The following SCARA5 variants were observed in gnomAD, a reference collection of about 807,000 sequenced individuals.
SCARA5 encodes the protein scavenger receptor class A member 5.
A neutral mutation model predicts 46.3 loss-of-function variants in SCARA5; 45 were observed. The ratio of observed to expected loss-of-function variants is 0.97; its 90% confidence interval spans 0.76 to 1.24. The LOEUF is 1.24. Among genes scored for constraint, SCARA5 ranks in the 50% most tolerant of loss-of-function variants. The pLI is 0.00. For missense variants in SCARA5, 680 were observed against 689.0 expected, an observed-to-expected ratio of 0.99 and a Z score of 0.15; for synonymous variants, 333 against 306.5, an observed-to-expected ratio of 1.09 and a Z score of -0.90.
Position 27,905,145 on chromosome 8 carries a change from A to G in SCARA5, c.1097-311T>C, listed in dbSNP as rs540941598. Reference sequence around the variant, plus strand: ...TAAACACTCAAGGTTTTAGAGGTCCACATCCAAGTTTGTTCTAATGAGCCC... The same window carrying G: ...TAAACACTCAAGGTTTTAGAGGTCCGCATCCAAGTTTGTTCTAATGAGCCC... On this transcript the variant is annotated intron_variant, in intron 6 of 8. Coordinates refer to ENST00000354914, the MANE Select transcript of SCARA5 (RefSeq NM_173833.6). Among the ~76,000 whole-genome samples the G allele has an allele frequency of 2.0e-5, 3 of 152,246 alleles. No individual in the cohort carries two copies. In the East Asian group the frequency reaches 5.8e-4, roughly 29 times the overall value.
chr8:27,923,598 T>C lies in SCARA5; in HGVS notation c.242-1353A>G, dbSNP rs533169032. 2.0e-5 allele frequency among the ~76,000 whole-genome samples: 3 copies of C among 152,294 alleles called. No individual in the cohort carries two copies. The South Asian group carries it at 6.2e-4, about 32-fold the overall frequency. On this transcript the variant is annotated intron_variant, in intron 3 of 8. Coordinates refer to ENST00000354914, the MANE Select transcript of SCARA5 (RefSeq NM_173833.6). ...TTTTGTTTTGTTTTTTGAGACAGAG[T>C]CTCACTCTGTTGCTGTCGCCAGGTT...
chr8:27,975,491 G>A (rs549462085), intron 2 of SCARA5, among the ~76,000 whole-genome samples: 57 of 144,604 alleles, frequency 3.9e-4, no homozygotes, highest in African/African-American at 1.4e-3. Context: ...GCAGTCTTGT[G>A]GGACTGGGCC....
intron 1 of SCARA5, 26 bp from the exon 2 acceptor site, chr8:27,987,656 G>A (rs75912002): frequency 1.5e-6 from 2 of 1,376,368 alleles, no homozygotes; most frequent in Non-Finnish European, 2.1e-6. Flanking sequence ...GAGGGGAGGA[G>A]AGGGAGGACG....
At position 27,871,636 on chromosome 8, in the gene SCARA5, C is replaced by A; in HGVS notation, c.*298G>T. 7.8e-7 allele frequency: 1 copy of A among 1,278,082 alleles called. No homozygotes were observed. The highest frequency in any genetic ancestry group is 1.5e-5 in the African/African-American group (1 of 67,012). The allele number at this position is 1,278,082 out of a possible 1,614,324, so 79.2% of individuals were successfully genotyped here. A position where few individuals can be genotyped will look rare whatever the true frequency, so the allele number is the denominator to read the frequency against. On this transcript the variant is annotated 3_prime_UTR_variant, in exon 9 of 9. Transcript: ENST00000354914. Reference sequence around the variant, plus strand: ...GCCAAAGGGAACTGGGATATTGAGGCCTGGTGCATGGTGTTCAGAGGCTGG... The same window carrying A: ...GCCAAAGGGAACTGGGATATTGAGGACTGGTGCATGGTGTTCAGAGGCTGG...
intron 7 of SCARA5, among the ~76,000 whole-genome samples, chr8:27,895,232 T>C (rs1056678379): frequency 1.3e-5 from 2 of 152,180 alleles, no homozygotes; most frequent in Non-Finnish European, 2.9e-5. Flanking sequence ...ATTCGGACCA[T>C]CTGCCCATTA....
At position 27,904,753 on chromosome 8, in the gene SCARA5, C is replaced by T. The variant is rs774099948; in HGVS notation, c.1153+25G>A. On this transcript the variant is annotated intron_variant, in intron 7 of 8. Coordinates refer to ENST00000354914, the MANE Select transcript of SCARA5 (RefSeq NM_173833.6). ...CTAGCCCTGTGCCAACACCATATCC[C>T]ACGGCCCCAGCAGAATGTCCTTACT... 3 of 1,607,718 alleles carry T rather than the reference C, an allele frequency of 1.9e-6. No homozygotes were observed. The South Asian group carries it at 3.3e-5, about 18-fold the overall frequency.
chr8:27,974,673 T>C (rs1808496778), intron 2 of SCARA5, among the ~76,000 whole-genome samples: 1 of 147,332 alleles, frequency 6.8e-6, no homozygotes, highest in Non-Finnish European at 1.5e-5. Flanking sequence ...ACTCACATTG[T>C]TCACTGTAAC....
chr8:27,894,806 T>A (rs1451919191), intron 7 of SCARA5, among the ~76,000 whole-genome samples: 3 of 152,214 alleles, frequency 2.0e-5, no homozygotes, highest in African/African-American at 4.8e-5. Flanking sequence ...GCCACCATTC[T>A]GCATCCTTGT....
intron 7 of SCARA5, among the ~76,000 whole-genome samples, chr8:27,901,017 G>A (rs1049150082): frequency 2.0e-5 from 3 of 152,004 alleles, no homozygotes; most frequent in African/African-American, 7.3e-5. Context: ...GGGGTTGGGC[G>A]AGAGAGAGGA....
chr8:27,921,826 C>A lies in SCARA5; in HGVS notation c.661G>T (p.Ala221Ser). ...RRVGILGEEL[A>S]DVGGVLRGLN... ...CCGCGCAGCACGCCGCCCACGTCGG[C>A]CAGCTCCTCGCCCAGGATGCCCACC... is the stretch of plus-strand genomic sequence containing the variant. Residue 221 changes from alanine to serine, a missense_variant, in exon 4 of 9, where the codon GCC becomes TCC. By Grantham distance (99) the Ala-to-Ser change is moderately conservative (BLOSUM62 1). Coordinates refer to ENST00000354914, the MANE Select transcript of SCARA5 (RefSeq NM_173833.6). 1 of 1,546,696 alleles carries A rather than the reference C, an allele frequency of 6.5e-7. No individual in the cohort carries two copies. The highest frequency in any genetic ancestry group is 2.4e-5 in the East Asian group (1 of 41,440).
At chr8:27,889,439 G>T (rs1394443001) in intron 7 of SCARA5, among the ~76,000 whole-genome samples, 1 of 152,182 alleles carries the variant, frequency 6.6e-6, no homozygotes, top group African/African-American at 2.4e-5. Context: ...GACACGTGTG[G>T]GAGCAGAGGC....
rs746951717 is a variant in SCARA5, at chr8:27,922,124, C to T, written c.363G>A (p.Leu121=). 2.5e-6 allele frequency: 4 copies of T among 1,606,902 alleles called. No individual in the cohort carries two copies. The South Asian group carries it at 4.5e-5, about 18-fold the overall frequency. Residue 121 remains leucine, a synonymous_variant, in exon 4 of 9, where the codon CTG becomes CTA. Transcript: ENST00000354914. ...RLLQAPLQAD[L]TEQVWKVQDA... ...CCTGCACCTTCCACACCTGCTCCGT[C>T]AGGTCCGCTTGCAGCGGAGCCTGCA...
At chr8:27,959,458 A>G (rs893000454) in intron 3 of SCARA5, among the ~76,000 whole-genome samples, 2 of 152,164 alleles carry the variant, frequency 1.3e-5, no homozygotes, top group African/African-American at 4.8e-5. Flanking sequence ...GATGGTAGGC[A>G]GTGGGAGGAC....
intron 3 of SCARA5, among the ~76,000 whole-genome samples, chr8:27,939,760 A>C (rs1807913364): frequency 6.6e-6 from 1 of 152,196 alleles, no homozygotes; most frequent in South Asian, 2.1e-4. Context: ...ATTATGTTTC[A>C]TGGGATCCTC....
chr8:27,876,232 T>A (rs1806721651), intron 8 of SCARA5, among the ~76,000 whole-genome samples: 1 of 152,186 alleles, frequency 6.6e-6, no homozygotes, highest in Admixed American at 6.5e-5. Flanking sequence ...GCGGAAGAAC[T>A]GAAGCTTAGA....
At chr8:27,939,399 T>G (rs2726956) in intron 3 of SCARA5, among the ~76,000 whole-genome samples, 146,915 of 152,228 alleles carry the variant, frequency 0.97, 71,083 homozygotes, top group East Asian at 1. Context: ...CCAGCATCAT[T>G]GTTTCAACCT....
intron 3 of SCARA5, among the ~76,000 whole-genome samples, chr8:27,959,629 C>A (rs1808263600): frequency 6.6e-6 from 1 of 152,134 alleles, no homozygotes; most frequent in Non-Finnish European, 1.5e-5. Context: ...CTTGGTGTTA[C>A]CAACTCACTG....
intron 8 of SCARA5, among the ~76,000 whole-genome samples, chr8:27,873,229 C>CG: frequency 6.6e-6 from 1 of 152,300 alleles, no homozygotes; most frequent in East Asian, 1.9e-4. Flanking sequence ...CCCCTAATCC[C>CG]GCTCGAAGCA....
intron 3 of SCARA5, among the ~76,000 whole-genome samples, chr8:27,966,191 G>A (rs148959912): frequency 7.3e-4 from 111 of 152,266 alleles, no homozygotes; most frequent in African/African-American, 1.6e-3. Context: ...AAGCAGCTAG[G>A]TCTCTACTGC....
Sources: gnomAD v4.1 joint callset for allele counts (sites outside exome capture counted in the v4.1 genomes callset) on GRCh38, gnomAD v4.1.1 for gene constraint, MANE v1.5 for transcripts, NCBI Gene and HGNC (gene_info 2026-07-23, HGNC 2026-07-21) for gene names.